The following GALNT9 variants were observed in gnomAD, a reference collection of about 807,000 sequenced individuals.
GALNT9 encodes the protein GalNAc transferase 9.
In GALNT9, 47 loss-of-function variants were observed where a neutral mutation model predicts 63.1. The observed-to-expected ratio is 0.75, with a 90% CI of 0.59 to 0.95. GALNT9 has a LOEUF of 0.95. GALNT9 is among the 40% of genes least tolerant of loss of function. The pLI, the probability that GALNT9 is intolerant of heterozygous loss-of-function variation, is 0.00. For missense variants in GALNT9, 829 were observed against 874.8 expected (o/e 0.95, Z 0.66); for synonymous variants, 396 against 365.7 (o/e 1.08, Z -0.94).
chr12:132,204,367 G>A (rs1481414587), intron 6 of GALNT9, among the ~76,000 whole-genome samples: 1 of 152,152 alleles, frequency 6.6e-6, no homozygotes, highest in African/African-American at 2.4e-5. Flanking sequence ...GTGTCAGCGT[G>A]GCAGGGAACA....
chr12:132,243,364 C>T (rs1442359834), intron 6 of GALNT9, among the ~76,000 whole-genome samples: 1 of 99,324 alleles, frequency 1.0e-5, no homozygotes, highest in Non-Finnish European at 2.1e-5. Flanking sequence ...CCAGTGGCCT[C>T]AGTGTCCAGT....
intron 6 of GALNT9, among the ~76,000 whole-genome samples, chr12:132,243,780 G>A (rs1041417051): frequency 5.9e-5 from 9 of 152,114 alleles, no homozygotes; most frequent in African/African-American, 2.2e-4. Context: ...CCCTATGAAG[G>A]CCCTGCCTGC....
At chr12:132,290,982 C>G (rs1215618023) in intron 1 of GALNT9, among the ~76,000 whole-genome samples, 1 of 64,238 alleles carries the variant, frequency 1.6e-5, no homozygotes, top group African/African-American at 6.1e-5. Flanking sequence ...CACCCACAAC[C>G]ACAGCACCCA....
At chr12:132,299,290 C>T (rs1419806977) in intron 1 of GALNT9, among the ~76,000 whole-genome samples, 2 of 131,772 alleles carry the variant, frequency 1.5e-5, no homozygotes, top group East Asian at 2.5e-4. Context: ...TCCCATAACT[C>T]ACCCACTCCC....
chr12:132,298,390 C>A (rs1410958876), intron 1 of GALNT9, among the ~76,000 whole-genome samples: 2 of 151,442 alleles, frequency 1.3e-5, no homozygotes, highest in Non-Finnish European at 2.9e-5. Flanking sequence ...CCCACCATAC[C>A]TAATCCACTC....
chr12:132,256,153 A>AC (rs1342675901), intron 5 of GALNT9, among the ~76,000 whole-genome samples: 6 of 151,840 alleles, frequency 4.0e-5, no homozygotes, highest in Non-Finnish European at 8.8e-5. Context: ...CCCCTGGGTG[A>AC]CCCCATCCTT....
At chr12:132,307,351 T>G (rs28662261) in intron 1 of GALNT9, among the ~76,000 whole-genome samples, 1 of 152,010 alleles carries the variant, frequency 6.6e-6, no homozygotes, top group Non-Finnish European at 1.5e-5. Context: ...ATCTGTTCAT[T>G]AGGCAGGACA....
At chr12:132,321,254 C>T (rs558803813) in intron 1 of GALNT9, among the ~76,000 whole-genome samples, 6 of 151,624 alleles carry the variant, frequency 4.0e-5, no homozygotes, top group South Asian at 2.1e-4. Context: ...GGTCCGGAGT[C>T]GAGGCCCCTG....
chr12:132,204,114 A>G (rs1876454517), intron 6 of GALNT9, among the ~76,000 whole-genome samples: 2 of 151,242 alleles, frequency 1.3e-5, no homozygotes, highest in African/African-American at 2.4e-5. Context: ...CTTGCCATGC[A>G]GACACCGCTC....
intron 1 of GALNT9, among the ~76,000 whole-genome samples, chr12:132,308,144 C>T (rs989490591): frequency 1.3e-5 from 2 of 152,290 alleles, no homozygotes; most frequent in East Asian, 3.9e-4. Context: ...GAGGGTGCAG[C>T]AGCGTGGCCA....
chr12:132,201,101 G>T, intron 8 of GALNT9, 23 bp downstream of exon 8: 2 of 1,608,872 alleles, frequency 1.2e-6, no homozygotes, highest in East Asian at 2.2e-5. Flanking sequence ...CGGGCCGAAC[G>T]GGGCCCTCGG....
intron 6 of GALNT9, among the ~76,000 whole-genome samples, chr12:132,229,771 T>G (rs36140954): frequency 0.34 from 51,000 of 152,036 alleles, 8,998 homozygotes; most frequent in Middle Eastern, 0.53. Context: ...TCAGTGCCAG[T>G]TACGGGGTTC....
intron 6 of GALNT9, among the ~76,000 whole-genome samples, chr12:132,204,764 C>T (rs1876538048): frequency 6.6e-6 from 1 of 152,122 alleles, no homozygotes; most frequent in Non-Finnish European, 1.5e-5. Flanking sequence ...TGTCCCATCC[C>T]ATCCACCCCA....
intron 1 of GALNT9, among the ~76,000 whole-genome samples, chr12:132,303,381 C>A (rs186930949): frequency 1.4e-5 from 2 of 147,000 alleles, no homozygotes; most frequent in Non-Finnish European, 3.0e-5. Flanking sequence ...GCACCCTCTC[C>A]GGGGCACAGC....
At chr12:132,220,591 G>A (rs550953694) in intron 6 of GALNT9, among the ~76,000 whole-genome samples, 1 of 152,322 alleles carries the variant, frequency 6.6e-6, no homozygotes, top group South Asian at 2.1e-4. Context: ...CTGAAGAGAG[G>A]ACTTGTTCCT....
At chr12:132,264,222 C>T (rs73166897) in intron 2 of GALNT9, among the ~76,000 whole-genome samples, 155 of 152,374 alleles carry the variant, frequency 1.0e-3, no homozygotes, top group Middle Eastern at 3.4e-3. Context: ...CCTGCAAGCT[C>T]ATGGCACAGG....
chr12:132,281,955 A>T (rs1157646782), intron 2 of GALNT9, among the ~76,000 whole-genome samples: 1 of 133,204 alleles, frequency 7.5e-6, no homozygotes, highest in Non-Finnish European at 1.6e-5. Context: ...CAGCAAGCCC[A>T]GGCCTGGGGT....
chr12:132,243,275 ACAACACACACTTCC>A (rs1878524260), intron 6 of GALNT9, among the ~76,000 whole-genome samples: 69 of 94,124 alleles, frequency 7.3e-4, no homozygotes, highest in African/African-American at 3.8e-3. Flanking sequence ...CATTACACAC[ACAACACACACTTCC>A]CGGGGCCCTC....
rs1224563990 is a variant in GALNT9, at chr12:132,238,012, G to T, written c.1077+9898C>A. ...TCAGGAAACATCTGTGACCCCAGCAGACGGGGAGCCAGGCAAGGACTCTGC... is the reference window on the plus strand; with the variant it reads ...TCAGGAAACATCTGTGACCCCAGCATACGGGGAGCCAGGCAAGGACTCTGC... On this transcript the variant is annotated intron_variant, in intron 6 of 10. Transcript: ENST00000328957. The surrounding 1 kb of genome is among the most constrained non-coding windows in gnomAD (Gnocchi z 6.5). 3.9e-5 allele frequency among the ~76,000 whole-genome samples: 6 copies of T among 152,216 alleles called. No homozygotes were observed. Among genetic ancestry groups the T allele is most frequent in the African/African-American group, 1.4e-4 (6 of 41,448 alleles).
Sources: gnomAD v4.1 joint callset for allele counts (sites outside exome capture counted in the v4.1 genomes callset) on GRCh38, gnomAD v4.1.1 for gene constraint, Gnocchi (gnomAD v3.1) non-coding constraint, MANE v1.5 for transcripts, NCBI Gene and HGNC (gene_info 2026-07-23, HGNC 2026-07-21) for gene names.